KALRN: variants seen among roughly 807,000 people sequenced by gnomAD.
KALRN encodes kalirin.
A neutral mutation model predicts 353.7 loss-of-function variants in KALRN; 70 were observed. The ratio of observed to expected loss-of-function variants is 0.20; its 90% CI spans 0.16 to 0.24. KALRN has a LOEUF of 0.24. Among genes scored for constraint, KALRN ranks in the 10% least tolerant of loss-of-function variants. The pLI, the probability that KALRN is intolerant of heterozygous loss-of-function variation, is 1.00. For missense variants in KALRN, 2,791 were observed against 3,756.7 expected (o/e 0.74, Z 6.72); for synonymous variants, 1,391 against 1,434.8 (o/e 0.97, Z 0.69).
chr3:124,125,862 G>A (rs1195110415), intron 1 of KALRN, among the ~76,000 whole-genome samples: 1 of 152,196 alleles, frequency 6.6e-6, no homozygotes, highest in Non-Finnish European at 1.5e-5. Context: ...GCTTAATTAG[G>A]AGTGGGCTGT....
intron 34 of KALRN, among the ~76,000 whole-genome samples, chr3:124,583,337 G>C (rs552012631): frequency 6.9e-6 from 1 of 144,092 alleles, no homozygotes; most frequent in African/African-American, 2.6e-5. Context: ...AAAGGAATGG[G>C]AGAGACACCC....
At chr3:124,682,106 G>A (rs1432462255) in intron 51 of KALRN, among the ~76,000 whole-genome samples, 8 of 152,202 alleles carry the variant, frequency 5.3e-5, no homozygotes, top group Admixed American at 5.2e-4. Flanking sequence ...CTCAAGGCAT[G>A]TGTAAGTAGA....
intron 1 of KALRN, among the ~76,000 whole-genome samples, chr3:124,207,802 C>CT (rs1035473989): frequency 6.6e-6 from 1 of 152,134 alleles, no homozygotes; most frequent in African/African-American, 2.4e-5. Flanking sequence ...GGAAGTAACC[C>CT]TTAATAAATG....
At chr3:124,516,855 TCAC>T (rs1396488132) in intron 33 of KALRN, among the ~76,000 whole-genome samples, 6 of 152,224 alleles carry the variant, frequency 3.9e-5, no homozygotes, top group Admixed American at 3.3e-4. Flanking sequence ...TCTCACTCTG[TCAC>T]CCAGGCTGGA....
chr3:124,096,180 T>G (rs893080884), intron 1 of KALRN: 6 of 152,336 alleles, frequency 3.9e-5, no homozygotes, highest in African/African-American at 1.4e-4. Context: ...CTTTGTGACC[T>G]CAGGCAAGTT....
Position 124,661,947 on chromosome 3 carries a change from G to T in KALRN, c.6345+19G>T. 2 of 1,592,898 alleles carry T rather than the reference G, an allele frequency of 1.3e-6. No individual in the cohort carries two copies. The highest frequency in any genetic ancestry group is 3.3e-5 in the Admixed American group (2 of 59,984). On this transcript the variant is annotated intron_variant, in intron 45 of 59. Coordinates refer to ENST00000682506, the MANE Select transcript of KALRN (RefSeq NM_001388419.1). ...CTTTGAGGTGAGTCTTTAAGAATGC[G>T]TCTAAGCCCACTCTCTCCAGGACAA...
chr3:124,347,656 C>T (rs1284546674), intron 10 of KALRN, among the ~76,000 whole-genome samples: 1 of 152,060 alleles, frequency 6.6e-6, no homozygotes, highest in Non-Finnish European at 1.5e-5. Flanking sequence ...GATTCCTCAT[C>T]ACCCCAGGGC....
At chr3:124,187,651 CA>C (rs2074392840) in intron 1 of KALRN, among the ~76,000 whole-genome samples, 1 of 152,114 alleles carries the variant, frequency 6.6e-6, no homozygotes, top group African/African-American at 2.4e-5. Context: ...GTATCTTTAG[CA>C]AGGTGCACAT....
At chr3:124,140,372 CT>C (rs2066469747) in intron 1 of KALRN, among the ~76,000 whole-genome samples, 1 of 152,220 alleles carries the variant, frequency 6.6e-6, no homozygotes, top group Non-Finnish European at 1.5e-5. Context: ...TCAACTGCCA[CT>C]GACAAGCGAA....
At chr3:124,317,748 TG>T (rs1395239233) in intron 6 of KALRN, among the ~76,000 whole-genome samples, 1 of 111,094 alleles carries the variant, frequency 9.0e-6, no homozygotes, top group African/African-American at 3.4e-5. Context: ...AGGCGGGGGC[TG>T]GGGGGGCAGT....
At chr3:124,041,724 GA>G (rs1317224169) in intron 1 of KALRN, among the ~76,000 whole-genome samples, 1 of 152,144 alleles carries the variant, frequency 6.6e-6, no homozygotes, top group East Asian at 1.9e-4. Context: ...GGATGCAGAG[GA>G]AAGTTCAGAG....
At chr3:124,269,359 A>C in intron 5 of KALRN, 104 bp downstream of exon 5, 1 of 1,268,728 alleles carries the variant, frequency 7.9e-7, no homozygotes, top group Non-Finnish European at 1.1e-6. Context: ...GAAAGCTTTA[A>C]AACAGTGTGC....
At chr3:124,045,013 C>T (rs1233537830) in intron 1 of KALRN, among the ~76,000 whole-genome samples, 2 of 151,810 alleles carry the variant, frequency 1.3e-5, no homozygotes, top group African/African-American at 4.8e-5. Flanking sequence ...GCATGACAGG[C>T]GGGGATTAGG....
At chr3:124,354,559 T>G (rs1052634078) in intron 10 of KALRN, among the ~76,000 whole-genome samples, 1 of 152,096 alleles carries the variant, frequency 6.6e-6, no homozygotes, top group Admixed American at 6.5e-5. Flanking sequence ...ATAGGTGACA[T>G]AGAAAAAGAG....
intron 34 of KALRN, among the ~76,000 whole-genome samples, chr3:124,624,259 CAA>C (rs2079669654): frequency 1.3e-5 from 2 of 152,152 alleles, no homozygotes; most frequent in African/African-American, 4.8e-5. Context: ...TGCTTGCGTT[CAA>C]GTTACCCGTA....
chr3:124,503,676 T>A (rs2064875426), intron 33 of KALRN, among the ~76,000 whole-genome samples: 1 of 152,126 alleles, frequency 6.6e-6, no homozygotes, highest in East Asian at 1.9e-4. Flanking sequence ...CACAACTCCA[T>A]CCTCTCCTCA....
intron 34 of KALRN, among the ~76,000 whole-genome samples, chr3:124,572,348 CAA>C: frequency 7.1e-6 from 1 of 140,140 alleles, no homozygotes; most frequent in East Asian, 2.1e-4. Context: ...AAACAAAAAA[CAA>C]AAAAAAAAAC....
chr3:124,673,010 G>C (rs73195561), intron 48 of KALRN, among the ~76,000 whole-genome samples: 1 of 152,078 alleles, frequency 6.6e-6, no homozygotes, highest in Admixed American at 6.5e-5. Context: ...GATTTGTTCC[G>C]TCACATCACC....
intron 10 of KALRN, among the ~76,000 whole-genome samples, chr3:124,363,155 C>T (rs967376558): frequency 6.6e-6 from 1 of 152,108 alleles, no homozygotes; most frequent in African/African-American, 2.4e-5. Flanking sequence ...CTCCAAGAAA[C>T]TACATTTTAT....
Sources: allele counts gnomAD v4.1 joint callset (sites outside exome capture counted in the v4.1 genomes callset), GRCh38; gene constraint gnomAD v4.1.1; transcripts MANE v1.5; gene names NCBI Gene and HGNC (gene_info 2026-07-23, HGNC 2026-07-21).